The following RBFOX1 variants were observed in gnomAD, a reference collection of about 807,000 sequenced individuals.
RBFOX1 encodes RNA binding fox-1 homolog 1, also known as RNA binding protein fox-1 homolog 1.
RBFOX1 carries 8 observed loss-of-function variants against 57.7 expected under a neutral mutation model. The observed-to-expected ratio is 0.14, with a 90% CI of 0.08 to 0.25. RBFOX1 has a LOEUF of 0.25. Ranked by LOEUF, RBFOX1 falls within the 10% of genes least tolerant of loss-of-function variation. The probability of loss-of-function intolerance (pLI) is 1.00; values close to 1 mark genes in which losing one functional copy is unlikely to be tolerated. For missense variants in RBFOX1, 611 were observed against 548.5 expected, an observed-to-expected ratio of 1.11 and a Z score of -1.14; for synonymous variants, 326 against 222.4, an observed-to-expected ratio of 1.47 and a Z score of -4.15.
At chr16:6,410,979 C>T (rs2093441517) in intron 2 of RBFOX1, among the ~76,000 whole-genome samples, 1 of 152,114 alleles carries the variant, frequency 6.6e-6, no homozygotes, top group Non-Finnish European at 1.5e-5. Context: ...CCCACAATAA[C>T]CCCGGGATGT....
At chr16:5,737,376 T>C (rs1394551444) in intron 3 of RBFOX1, among the ~76,000 whole-genome samples, 5 of 151,938 alleles carry the variant, frequency 3.3e-5, no homozygotes, top group African/African-American at 1.2e-4. Flanking sequence ...TCCCAGCTAC[T>C]TTGGAAGGCT....
At chr16:6,730,304 C>T (rs1432769552) in intron 3 of RBFOX1, among the ~76,000 whole-genome samples, 2 of 151,970 alleles carry the variant, frequency 1.3e-5, no homozygotes, top group African/African-American at 4.8e-5. Context: ...GGTGAGAATC[C>T]CTTGAATCTC....
intron 3 of RBFOX1, among the ~76,000 whole-genome samples, chr16:6,770,192 C>T (rs1009746756): frequency 6.6e-6 from 1 of 152,150 alleles, no homozygotes; most frequent in African/African-American, 2.4e-5. Context: ...TATCCATTAG[C>T]AGTCATGGGT....
At chr16:6,678,811 C>G (rs947446507) in intron 3 of RBFOX1, among the ~76,000 whole-genome samples, 2 of 152,018 alleles carry the variant, frequency 1.3e-5, no homozygotes, top group South Asian at 4.2e-4. Flanking sequence ...GCTGATAAGG[C>G]TTGTAACACG....
intron 4 of RBFOX1, among the ~76,000 whole-genome samples, chr16:5,907,610 G>T (rs1055785411): frequency 4.6e-5 from 7 of 152,104 alleles, no homozygotes; most frequent in South Asian, 2.1e-4. Context: ...TTTAAGTCTC[G>T]TAACAACCCC....
intron 4 of RBFOX1, among the ~76,000 whole-genome samples, chr16:7,052,832 G>A (rs2346244): frequency 0.55 from 83,938 of 151,996 alleles, 24,541 homozygotes; most frequent in South Asian, 0.76. Flanking sequence ...AAATGAATTC[G>A]TGTTTTCAGT....
chr16:7,248,972 G>A (rs2094413842), intron 4 of RBFOX1, among the ~76,000 whole-genome samples: 1 of 152,170 alleles, frequency 6.6e-6, no homozygotes, highest in Non-Finnish European at 1.5e-5. Context: ...CTTTGTCTGT[G>A]GAATCCCAGA....
chr16:7,305,712 G>A (rs1229304080), intron 4 of RBFOX1, among the ~76,000 whole-genome samples: 1 of 152,148 alleles, frequency 6.6e-6, no homozygotes, highest in Non-Finnish European at 1.5e-5. Flanking sequence ...CAAGTTGGTT[G>A]ACTCCAGAAA....
chr16:7,159,328 G>T (rs1245132813), intron 4 of RBFOX1, among the ~76,000 whole-genome samples: 1 of 152,172 alleles, frequency 6.6e-6, no homozygotes, highest in Non-Finnish European at 1.5e-5. Flanking sequence ...CCCAGAGACA[G>T]GGATTGAGAG....
In RBFOX1 at chr16:7,082,641, C is replaced by T. The variant is rs917588440; in HGVS notation, c.27+30543C>T. On this transcript the variant is annotated intron_variant, in intron 4 of 15. Transcript: ENST00000550418. ...GTTTATCAAGTCATTTTTCACATTT[C>T]GTTCAGTGTTTAGTAACACAACTGT... Among the ~76,000 whole-genome samples, 7 of 152,148 alleles carry T rather than the reference C, an allele frequency of 4.6e-5. No individual in the cohort carries two copies. The East Asian group carries it at 7.7e-4, about 17-fold the overall frequency.
At chr16:6,341,180 G>A (rs751032107) in intron 2 of RBFOX1, among the ~76,000 whole-genome samples, 1 of 152,124 alleles carries the variant, frequency 6.6e-6, no homozygotes. Context: ...GGTGTCAATG[G>A]GGCAGCATTC....
intron 1 of RBFOX1, among the ~76,000 whole-genome samples, chr16:6,220,954 C>T (rs965019053): frequency 7.9e-5 from 12 of 151,676 alleles, no homozygotes; most frequent in Non-Finnish European, 5.9e-5. Flanking sequence ...AAATACTTCA[C>T]TCTGTGTGTG....
At chr16:5,888,335 C>G (rs911744678) in intron 4 of RBFOX1, among the ~76,000 whole-genome samples, 1 of 152,126 alleles carries the variant, frequency 6.6e-6, no homozygotes, top group African/African-American at 2.4e-5. Flanking sequence ...TTCTACAAAG[C>G]TTTTTTTCTT....
At chr16:7,680,276 G>A (rs888215576) in intron 14 of RBFOX1, among the ~76,000 whole-genome samples, 1 of 152,300 alleles carries the variant, frequency 6.6e-6, no homozygotes, top group South Asian at 2.1e-4. Context: ...GGGAGGTGCG[G>A]AGGGGGTGGA....
At chr16:7,382,854 G>T (rs762806152) in intron 4 of RBFOX1, among the ~76,000 whole-genome samples, 1 of 152,138 alleles carries the variant, frequency 6.6e-6, no homozygotes, top group African/African-American at 2.4e-5. Context: ...ACTTATAATC[G>T]TGTAATGCAA....
intron 3 of RBFOX1, among the ~76,000 whole-genome samples, chr16:6,972,135 T>A (rs184891161): frequency 8.5e-5 from 13 of 152,330 alleles, no homozygotes; most frequent in African/African-American, 2.9e-4. Flanking sequence ...CTTAACCATT[T>A]GTAAGAATAT....
intron 4 of RBFOX1, among the ~76,000 whole-genome samples, chr16:7,302,686 A>T (rs2096062682): frequency 6.6e-6 from 1 of 152,014 alleles, no homozygotes; most frequent in Non-Finnish European, 1.5e-5. Flanking sequence ...ATATTAAAAA[A>T]ATATGGCTAC....
chr16:5,845,564 G>A (rs920559204), intron 3 of RBFOX1, among the ~76,000 whole-genome samples: 1 of 152,142 alleles, frequency 6.6e-6, no homozygotes, highest in African/African-American at 2.4e-5. Flanking sequence ...TTGATGACCC[G>A]GGGCAGGTGG....
chr16:6,622,031 C>T (rs1377941622), intron 2 of RBFOX1, among the ~76,000 whole-genome samples: 5 of 152,054 alleles, frequency 3.3e-5, no homozygotes, highest in African/African-American at 9.7e-5. Context: ...CTTTACAAGA[C>T]CTGAGAGTGA....
Sources: gnomAD v4.1 joint callset for allele counts (sites outside exome capture counted in the v4.1 genomes callset) on GRCh38, gnomAD v4.1.1 for gene constraint, MANE v1.5 for transcripts, NCBI Gene and HGNC (gene_info 2026-07-23, HGNC 2026-07-21) for gene names.